PHF2: variants seen among roughly 807,000 people sequenced by gnomAD.
PHF2 encodes lysine-specific demethylase PHF2.
A neutral mutation model predicts 120.5 loss-of-function variants in PHF2; 27 were observed. The ratio of observed to expected loss-of-function variants is 0.22; its 90% CI spans 0.17 to 0.31. The LOEUF (loss-of-function observed/expected upper bound fraction) is 0.31, where lower values mean the gene tolerates loss of function less well. Among genes scored for constraint, PHF2 ranks in the 10% least tolerant of loss-of-function variants. PHF2 has a pLI of 1.00. For missense variants in PHF2, 1,024 were observed against 1,434.8 expected, an observed-to-expected ratio of 0.71 and a Z score of 4.63; for synonymous variants, 568 against 592.5, an observed-to-expected ratio of 0.96 and a Z score of 0.60.
intron 5 of PHF2, 31 bp from the exon 6 acceptor site, chr9:93,653,148 T>G (rs775113803): frequency 6.2e-7 from 1 of 1,603,418 alleles, no homozygotes; most frequent in African/African-American, 1.3e-5. Context: ...GAGTCCCAGG[T>G]TCCCTCACCA....
intron 3 of PHF2, among the ~76,000 whole-genome samples, chr9:93,639,838 TG>T (rs1175135949): frequency 6.6e-6 from 1 of 152,124 alleles, no homozygotes; most frequent in Non-Finnish European, 1.5e-5. Context: ...TGGGAGCCGG[TG>T]GGGACGAAGC....
Position 93,660,299 on chromosome 9 carries a change from C to T in PHF2, c.1437C>T (p.Thr479=), listed in dbSNP as rs946741102. The T allele has an allele frequency of 1.9e-6, 3 of 1,610,540 alleles. No homozygotes were observed. The highest frequency in any genetic ancestry group is 2.5e-6 in the Non-Finnish European group (3 of 1,178,778). Reference sequence around the variant, plus strand: ...AGCCCCCGTCTCCCATTGAGGCCACCCCGCCTCAATCCCTCCTGGAGAAAG... The same window carrying T: ...AGCCCCCGTCTCCCATTGAGGCCACTCCGCCTCAATCCCTCCTGGAGAAAG... ...KEEPPSPIEA[T]PPQSLLEKVS... The change falls in exon 12 of 22, where the codon ACC becomes ACT. Residue 479 remains threonine, a synonymous_variant. Coordinates refer to ENST00000359246, the MANE Select transcript of PHF2 (RefSeq NM_005392.4).
At chr9:93,627,324 T>C (rs2131646612) in intron 1 of PHF2, among the ~76,000 whole-genome samples, 1 of 152,238 alleles carries the variant, frequency 6.6e-6, no homozygotes. Flanking sequence ...ATCCAACTGG[T>C]TTTTGTGTGT....
intron 1 of PHF2, among the ~76,000 whole-genome samples, chr9:93,610,066 T>C (rs577184827): frequency 9.0e-5 from 8 of 88,790 alleles, no homozygotes; most frequent in African/African-American, 2.6e-4. Context: ...TATGCCTAGG[T>C]GTAGATTTTT....
intron 3 of PHF2, among the ~76,000 whole-genome samples, chr9:93,639,526 G>A (rs1010118553): frequency 2.6e-5 from 4 of 152,054 alleles, no homozygotes; most frequent in Admixed American, 2.6e-4. Context: ...AATTGAGATA[G>A]TATGACTTAT....
intron 1 of PHF2, among the ~76,000 whole-genome samples, chr9:93,608,907 G>T (rs1209415336): frequency 4.0e-5 from 6 of 151,658 alleles, no homozygotes; most frequent in Non-Finnish European, 8.8e-5. Context: ...GGTTATTTGT[G>T]TAGTTGGATT....
intron 3 of PHF2, among the ~76,000 whole-genome samples, chr9:93,642,647 A>G (rs1234437339): frequency 6.6e-6 from 1 of 152,118 alleles, no homozygotes; most frequent in Non-Finnish European, 1.5e-5. Context: ...TGTTTGATGT[A>G]CTCAGTACAT....
Position 93,618,560 on chromosome 9 carries a change from GT to G in PHF2, c.99-11406del, listed in dbSNP as rs1464663093. Among the ~76,000 whole-genome samples, 4 of 152,200 alleles carry G rather than the reference GT, an allele frequency of 2.6e-5. No homozygotes were observed. In the East Asian group the frequency reaches 7.7e-4, roughly 29 times the overall value. On this transcript the variant is annotated intron_variant, in intron 1 of 21. Coordinates refer to ENST00000359246, the MANE Select transcript of PHF2 (RefSeq NM_005392.4). The stretch of plus-strand genomic sequence containing the variant: ...CATACGCACACATATTTTGTTTTGG[GT>G]TTTCCACCAAAAGGAATTGTACCAT...
chr9:93,601,873 G>T (rs1337142391), intron 1 of PHF2, among the ~76,000 whole-genome samples: 1 of 151,954 alleles, frequency 6.6e-6, no homozygotes, highest in Non-Finnish European at 1.5e-5. Context: ...GAAATGGAAG[G>T]GAGCCCTGTG....
chr9:93,587,115 A>T (rs1863060274), intron 1 of PHF2, among the ~76,000 whole-genome samples: 1 of 152,156 alleles, frequency 6.6e-6, no homozygotes, highest in Non-Finnish European at 1.5e-5. Context: ...GGAGGCATGG[A>T]GTATAGGGCA....
intron 1 of PHF2, among the ~76,000 whole-genome samples, chr9:93,625,971 G>A (rs138654676): frequency 0.01 from 1,526 of 152,026 alleles, 18 homozygotes; most frequent in African/African-American, 0.034. Flanking sequence ...GGCCGGGCGC[G>A]GTGGCTCATG....
At chr9:93,660,612 A>G in intron 12 of PHF2, 52 bp downstream of exon 12, 3 of 1,481,756 alleles carry the variant, frequency 2.0e-6, no homozygotes, top group Non-Finnish European at 2.7e-6. Context: ...GTGCTGCAGC[A>G]TCTCTTGTGG....
chr9:93,584,259 CTTTTT>C (rs1046720254), intron 1 of PHF2, among the ~76,000 whole-genome samples: 1 of 152,124 alleles, frequency 6.6e-6, no homozygotes, highest in Non-Finnish European at 1.5e-5. Flanking sequence ...TGGTTTATCT[CTTTTT>C]TGTTTTGTTG....
chr9:93,649,772 A>T (rs1163253134), intron 5 of PHF2, among the ~76,000 whole-genome samples: 1 of 152,074 alleles, frequency 6.6e-6, no homozygotes, highest in Admixed American at 6.5e-5. Flanking sequence ...GGACATACCC[A>T]TGACATGCTC....
chr9:93,615,387 GTGA>G lies in PHF2; in HGVS notation c.99-14573_99-14571del, dbSNP rs747603389. The stretch of plus-strand genomic sequence containing the variant: ...GATGGTGATAGTAATGATGGTGACA[GTGA>G]TGATGATGACGATGATGATGGTGAT... On this transcript the variant is annotated intron_variant, in intron 1 of 21. Coordinates refer to ENST00000359246, the MANE Select transcript of PHF2 (RefSeq NM_005392.4). Among the ~76,000 whole-genome samples the G allele has an allele frequency of 2.5e-3, 368 of 146,806 alleles. 1 individual carries two copies. Among genetic ancestry groups the G allele is most frequent in the African/African-American group, 8.5e-3 (347 of 40,690 alleles).
chr9:93,664,353 G>A (rs372070098), intron 14 of PHF2, among the ~76,000 whole-genome samples: 14 of 152,326 alleles, frequency 9.2e-5, no homozygotes, highest in African/African-American at 2.4e-4. Flanking sequence ...CTGTGAGCCC[G>A]GTGGCAACCT....
Position 93,649,182 on chromosome 9 carries a change from A to G in PHF2, c.572A>G (p.Asn191Ser). 2 of 1,520,064 alleles carry G rather than the reference A, an allele frequency of 1.3e-6. No homozygotes were observed. The highest frequency in any genetic ancestry group is 1.8e-6 in the Non-Finnish European group (2 of 1,128,254). 94.2% of individuals were successfully genotyped at this position (1,520,064 alleles called of 1,614,324 possible). Residue 191 changes from asparagine to serine, a missense_variant, in exon 5 of 22, where the codon AAC becomes AGC. By Grantham distance (46) the Asn-to-Ser change is conservative. This residue lies in a region of PHF2 where 347 missense variants were observed against 577.4 expected (regional missense o/e 0.60). Coordinates refer to ENST00000359246, the MANE Select transcript of PHF2 (RefSeq NM_005392.4). ...YYSTNRKRVL[N>S]VTNLEFSDTR... ...AGCACCAACCGCAAGCGGGTCCTCA[A>G]CGTCACCAACCTCGAGTTCTCTGAC...
In PHF2 at chr9:93,659,551, A is replaced by G. The variant is rs566594128; in HGVS notation, c.1280A>G (p.Lys427Arg). The part of the protein sequence containing the change: ...EHEDELPEHF[K>R]PSQLIKDLAK... ...GAGGACGAGCTCCCGGAGCACTTCA[A>G]ACCTTCACAGCTAATCAAAGACCTG... The change falls in exon 11 of 22, where the codon AAA (lysine) becomes AGA (arginine). Residue 427 changes from lysine to arginine, a missense_variant. Physicochemically the swap from Lys to Arg is conservative, Grantham distance 26. Coordinates refer to ENST00000359246, the MANE Select transcript of PHF2 (RefSeq NM_005392.4). 8.7e-6 allele frequency: 14 copies of G among 1,614,132 alleles called. No individual in the cohort carries two copies. In the East Asian group the frequency reaches 2.2e-4, roughly 26 times the overall value.
chr9:93,656,436 C>A lies in PHF2; in HGVS notation c.1041-53C>A. ...GTCTGGGGCCTGGATTGATGCCCAG[C>A]GTCGCCTGCTTGATGGTCAGTGCAC... On this transcript the variant is annotated intron_variant, in intron 8 of 21. Coordinates refer to ENST00000359246, the MANE Select transcript of PHF2 (RefSeq NM_005392.4). This position sits in a 1 kb window ranked among gnomAD's most constrained non-coding sequence, Gnocchi z 4.1. The A allele has an allele frequency of 8.0e-7, 1 of 1,254,174 alleles. No homozygotes were observed. The highest frequency in any genetic ancestry group is 1.2e-6 in the Non-Finnish European group (1 of 856,894). The allele number at this position is 1,254,174 out of a possible 1,614,324, so 77.7% of individuals were successfully genotyped here.
Sources: allele counts gnomAD v4.1 joint callset (sites outside exome capture counted in the v4.1 genomes callset), GRCh38; gene constraint gnomAD v4.1.1; regional missense constraint gnomAD v4.1.1; non-coding constraint Gnocchi (gnomAD v3.1); transcripts MANE v1.5; gene names NCBI Gene and HGNC (gene_info 2026-07-23, HGNC 2026-07-21).